CELF2: variants seen among roughly 807,000 people sequenced by gnomAD.
CELF2 encodes the protein CUG triplet repeat RNA-binding protein 2.
CELF2 carries 8 observed loss-of-function variants against 62.6 expected under a neutral mutation model. The observed-to-expected ratio is 0.13, with a 90% CI of 0.07 to 0.23. The LOEUF is 0.23. Ranked by LOEUF, CELF2 falls within the 10% of genes least tolerant of loss-of-function variation. The pLI is 1.00. For missense variants in CELF2, 333 were observed against 671.0 expected (o/e 0.50, Z 5.56); for synonymous variants, 258 against 250.0 (o/e 1.03, Z -0.30).
chr10:10,863,952 C>T (rs1447253158), intron 1 of CELF2, among the ~76,000 whole-genome samples: 1 of 152,186 alleles, frequency 6.6e-6, no homozygotes, highest in Non-Finnish European at 1.5e-5. Flanking sequence ...AAGCTTGTCC[C>T]TTACGCTTCT....
At chr10:10,982,315 G>A (rs1458753126) in intron 2 of CELF2, among the ~76,000 whole-genome samples, 1 of 152,092 alleles carries the variant, frequency 6.6e-6, no homozygotes, top group African/African-American at 2.4e-5. Flanking sequence ...CTGGAACCAG[G>A]TAGAAATGAT....
intron 2 of CELF2, among the ~76,000 whole-genome samples, chr10:10,933,236 G>A (rs1459138536): frequency 6.6e-6 from 1 of 152,074 alleles, no homozygotes; most frequent in Non-Finnish European, 1.5e-5. Flanking sequence ...CCAGGAGGTT[G>A]AAGCTGCAGT....
At chr10:10,908,214 A>ATTGTTTTTTTTTT (rs2063502789) in intron 1 of CELF2, among the ~76,000 whole-genome samples, 1 of 83,738 alleles carries the variant, frequency 1.2e-5, no homozygotes, top group East Asian at 4.0e-4. Context: ...GTATGAGGGG[A>ATTGTTTTTTTTTT]TTTTTTTTTT....
chr10:10,643,591 G>C, the CELF2 span, among the ~76,000 whole-genome samples: 3 of 152,024 alleles, frequency 2.0e-5, no homozygotes, highest in African/African-American at 7.2e-5. Flanking sequence ...TTGAAAAATT[G>C]GACCACAGAA....
chr10:10,919,942 C>A, intron 1 of CELF2: 1 of 1,228,538 alleles, frequency 8.1e-7, no homozygotes. Flanking sequence ...TCATACTTAT[C>A]TTCTTTTTCT....
intron 1 of CELF2, among the ~76,000 whole-genome samples, chr10:11,088,374 A>G (rs1446037549): frequency 6.6e-6 from 1 of 152,250 alleles, no homozygotes; most frequent in South Asian, 2.1e-4. Context: ...GAGATAAAGC[A>G]GAGAATGTGA....
intron 1 of CELF2, among the ~76,000 whole-genome samples, chr10:11,149,705 G>A (rs1412034583): frequency 6.6e-6 from 1 of 152,112 alleles, no homozygotes; most frequent in Non-Finnish European, 1.5e-5. Context: ...ACGTTTCCAA[G>A]CTGTCCACAG....
chr10:10,912,403 T>C (rs1564809032), intron 1 of CELF2, among the ~76,000 whole-genome samples: 1 of 152,208 alleles, frequency 6.6e-6, no homozygotes. Flanking sequence ...ACTTTTTTTT[T>C]TGAGATGCTC....
At chr10:11,181,067 G>A (rs1288813948) in intron 2 of CELF2, among the ~76,000 whole-genome samples, 2 of 152,088 alleles carry the variant, frequency 1.3e-5, no homozygotes, top group Admixed American at 6.5e-5. Context: ...GTGGGGTTTT[G>A]CCATGTTGGC....
At chr10:11,085,932 G>A (rs546340205) in intron 1 of CELF2, among the ~76,000 whole-genome samples, 3 of 151,644 alleles carry the variant, frequency 2.0e-5, no homozygotes, top group African/African-American at 7.2e-5. Context: ...GTGCCTCAAC[G>A]GCCCATCTGT....
the CELF2 span, among the ~76,000 whole-genome samples, chr10:10,531,079 T>A: frequency 2.0e-5 from 3 of 152,226 alleles, no homozygotes; most frequent in Admixed American, 2.0e-4. Context: ...AAGCTAAAAA[T>A]CAATGCTTGA....
chr10:11,146,440 G>A (rs78416632), intron 1 of CELF2, among the ~76,000 whole-genome samples: 8,525 of 152,228 alleles, frequency 0.056, 289 homozygotes, highest in African/African-American at 0.087. Flanking sequence ...GAACAATCCA[G>A]CTTTCATAAT....
At chr10:10,611,579 C>T in the CELF2 span, among the ~76,000 whole-genome samples, 6 of 152,162 alleles carry the variant, frequency 3.9e-5, no homozygotes, top group Admixed American at 3.9e-4. Flanking sequence ...TGCTAACAAC[C>T]CTACAAATCC....
At chr10:10,485,378 T>C in the CELF2 span, among the ~76,000 whole-genome samples, 1 of 152,198 alleles carries the variant, frequency 6.6e-6, no homozygotes, top group East Asian at 1.9e-4. Context: ...GTTAGCCTTT[T>C]CCAATTTGGT....
At chr10:10,575,364 C>G in the CELF2 span, among the ~76,000 whole-genome samples, 1 of 152,152 alleles carries the variant, frequency 6.6e-6, no homozygotes, top group Admixed American at 6.6e-5. Context: ...CCAAAGTTGT[C>G]CTTTGTCAAT....
chr10:11,170,674 G>A (rs1014794405), intron 2 of CELF2, among the ~76,000 whole-genome samples: 1 of 152,192 alleles, frequency 6.6e-6, no homozygotes, highest in Non-Finnish European at 1.5e-5. Context: ...GGTCCAGGAG[G>A]TGGAGGAGGA....
At chr10:11,072,631 C>A (rs2070468345) in intron 1 of CELF2, among the ~76,000 whole-genome samples, 3 of 152,186 alleles carry the variant, frequency 2.0e-5, no homozygotes, top group African/African-American at 7.2e-5. Flanking sequence ...GATCTTCACT[C>A]CTTCTGAATT....
the CELF2 span, among the ~76,000 whole-genome samples, chr10:10,778,344 G>A: frequency 1.8e-4 from 28 of 152,290 alleles, no homozygotes; most frequent in African/African-American, 5.3e-4. Context: ...ACACAGAGTC[G>A]TACACAGAGT....
chr10:10,686,872 G>A, the CELF2 span, among the ~76,000 whole-genome samples: 2 of 152,146 alleles, frequency 1.3e-5, no homozygotes, highest in African/African-American at 4.8e-5. Context: ...CACTCTACTG[G>A]GATGACTGGT....
Sources: allele counts gnomAD v4.1 joint callset (sites outside exome capture counted in the v4.1 genomes callset), GRCh38; gene constraint gnomAD v4.1.1; transcripts MANE v1.5; gene names NCBI Gene and HGNC (gene_info 2026-07-23, HGNC 2026-07-21).